The following PIP5K1B variants were observed in gnomAD, a reference collection of about 807,000 sequenced individuals.
The protein encoded by PIP5K1B is phosphatidylinositol-4-phosphate 5-kinase type 1 beta.
In PIP5K1B, 42 loss-of-function variants were observed where a neutral mutation model predicts 67.0. That is an observed-to-expected ratio of 0.63 (90% CI 0.49 to 0.81). The LOEUF (loss-of-function observed/expected upper bound fraction) is 0.81. Among genes scored for constraint, PIP5K1B ranks in the 30% least tolerant of loss-of-function variants. PIP5K1B has a pLI of 0.00. For synonymous variants in PIP5K1B, 214 were observed against 231.4 expected, an observed-to-expected ratio of 0.92 and a Z score of 0.68; for missense variants, 459 against 646.3, an observed-to-expected ratio of 0.71 and a Z score of 3.14.
intron 14 of PIP5K1B, among the ~76,000 whole-genome samples, chr9:68,985,220 A>G (rs941784027): frequency 1.3e-5 from 2 of 151,570 alleles, no homozygotes; most frequent in Non-Finnish European, 2.9e-5. Flanking sequence ...CCTTTTCCTC[A>G]ATTTGGCAAT....
intron 14 of PIP5K1B, among the ~76,000 whole-genome samples, chr9:68,952,749 G>C (rs2132696524): frequency 6.6e-6 from 1 of 151,824 alleles, no homozygotes; most frequent in African/African-American, 2.4e-5. Context: ...ATCCAGTGCT[G>C]TTCTGATTTC....
At chr9:68,872,940 T>C (rs577178819) in intron 5 of PIP5K1B, among the ~76,000 whole-genome samples, 1 of 152,312 alleles carries the variant, frequency 6.6e-6, no homozygotes, top group East Asian at 1.9e-4. Flanking sequence ...TGTTCACATA[T>C]ATTGTTTTGG....
chr9:68,788,261 A>T (rs1330499675), intron 2 of PIP5K1B: 19 of 500,650 alleles, frequency 3.8e-5, no homozygotes, highest in Non-Finnish European at 3.6e-6. Context: ...CTTTTAGATA[A>T]GAAATGAAAA....
At chr9:68,979,936 T>C (rs979871217) in intron 14 of PIP5K1B, among the ~76,000 whole-genome samples, 1 of 152,190 alleles carries the variant, frequency 6.6e-6, no homozygotes, top group African/African-American at 2.4e-5. Flanking sequence ...AGCAGATCTC[T>C]GAAAGCCTCC....
intron 5 of PIP5K1B, among the ~76,000 whole-genome samples, chr9:68,864,834 A>G (rs924323248): frequency 1.3e-5 from 2 of 152,202 alleles, no homozygotes; most frequent in Non-Finnish European, 2.9e-5. Context: ...TGATTTTAAC[A>G]TTTCTCTTAA....
intron 14 of PIP5K1B, among the ~76,000 whole-genome samples, chr9:68,970,013 T>C (rs1368866463): frequency 6.6e-6 from 1 of 152,104 alleles, no homozygotes; most frequent in Non-Finnish European, 1.5e-5. Flanking sequence ...AAATAGCCCT[T>C]ACTTACCCCA....
chr9:68,783,239 G>T (rs545039929), intron 2 of PIP5K1B: 1 of 167,076 alleles, frequency 6.0e-6, no homozygotes, highest in Admixed American at 6.5e-5. Flanking sequence ...TTCTGAAATA[G>T]CTTCAATCCT....
At chr9:68,974,434 G>C (rs1288863345) in intron 14 of PIP5K1B, among the ~76,000 whole-genome samples, 1 of 152,200 alleles carries the variant, frequency 6.6e-6, no homozygotes, top group Non-Finnish European at 1.5e-5. Flanking sequence ...AACACGCCTA[G>C]CCTTGATCCT....
chr9:68,872,303 C>G (rs1452771136), intron 5 of PIP5K1B, among the ~76,000 whole-genome samples: 1 of 152,226 alleles, frequency 6.6e-6, no homozygotes, highest in African/African-American at 2.4e-5. Flanking sequence ...GTTCTCTGCA[C>G]TCGTGCTCCC....
At chr9:68,935,264 C>G (rs1487280395) in intron 13 of PIP5K1B, among the ~76,000 whole-genome samples, 1 of 152,100 alleles carries the variant, frequency 6.6e-6, no homozygotes. Context: ...GTCAGGAGTT[C>G]GAAACCAGCC....
chr9:68,760,988 A>G (rs1250308751), intron 2 of PIP5K1B, among the ~76,000 whole-genome samples: 4 of 152,080 alleles, frequency 2.6e-5, no homozygotes, highest in Non-Finnish European at 4.4e-5. Context: ...TTAGTTTTAT[A>G]TGTAGCATTT....
rs138005004 is a variant in PIP5K1B at position 68,895,097 on chromosome 9, G to A, written c.771+459G>A. 2.6e-5 allele frequency among the ~76,000 whole-genome samples: 4 copies of A among 152,158 alleles called. No homozygotes were observed. The East Asian group carries it at 7.7e-4, about 29-fold the overall frequency. On this transcript the variant is annotated intron_variant, in intron 8 of 15. Coordinates refer to ENST00000265382, the MANE Select transcript of PIP5K1B (RefSeq NM_003558.4). The stretch of plus-strand genomic sequence containing the variant: ...TAATGGCTCCCTAGAGATCAGTGTG[G>A]ATGCAAAACTATGATATGAGCAGCA...
chr9:68,882,343 T>A (rs1446999216), intron 6 of PIP5K1B, among the ~76,000 whole-genome samples: 1 of 152,236 alleles, frequency 6.6e-6, no homozygotes, highest in Non-Finnish European at 1.5e-5. Context: ...CTGTTCAGTA[T>A]CATAATCACA....
intron 14 of PIP5K1B, chr9:68,965,537 A>G (rs1431204624): frequency 2.6e-5 from 4 of 152,244 alleles, no homozygotes. Flanking sequence ...AATGTAGTCA[A>G]TCTTAAACTT....
intron 2 of PIP5K1B, among the ~76,000 whole-genome samples, chr9:68,747,324 T>C (rs1167089980): frequency 6.6e-6 from 1 of 151,096 alleles, no homozygotes; most frequent in Non-Finnish European, 1.5e-5. Context: ...TGTTGCTTAA[T>C]TACTGTCTGT....
At chr9:68,995,235 A>AGAAAGAG (rs1830552635) in intron 15 of PIP5K1B, among the ~76,000 whole-genome samples, 1 of 150,678 alleles carries the variant, frequency 6.6e-6, no homozygotes, top group African/African-American at 2.5e-5. Context: ...GGGAGAAAGA[A>AGAAAGAG]AGAGAGAAAG....
intron 4 of PIP5K1B, chr9:68,824,140 G>A (rs777228410): frequency 1.0e-4 from 54 of 518,808 alleles, no homozygotes; most frequent in Middle Eastern, 3.2e-4. Context: ...CCAAGATTCC[G>A]TGTACATTCA....
chr9:68,782,563 C>CT (rs920202931), intron 2 of PIP5K1B: 4 of 167,066 alleles, frequency 2.4e-5, no homozygotes, highest in Non-Finnish European at 5.9e-5. Flanking sequence ...CTTACAGAGA[C>CT]TTTAACAATT....
intron 14 of PIP5K1B, among the ~76,000 whole-genome samples, chr9:68,988,513 A>C (rs1243439956): frequency 7.0e-6 from 1 of 143,426 alleles, no homozygotes; most frequent in African/African-American, 2.6e-5. Context: ...GCAGTGGTGC[A>C]ATCTTGACTC....
Sources: allele counts gnomAD v4.1 joint callset (sites outside exome capture counted in the v4.1 genomes callset), GRCh38; gene constraint gnomAD v4.1.1; transcripts MANE v1.5; gene names NCBI Gene and HGNC (gene_info 2026-07-23, HGNC 2026-07-21).